Variants in PBX4 observed in about 807,000 individuals in gnomAD.
The protein encoded by PBX4 is PBX homeobox 4.
Under a neutral mutation model 35.1 loss-of-function variants are expected in PBX4, and 26 were observed. That is an observed-to-expected ratio of 0.74 (90% CI 0.54 to 1.03). The LOEUF is 1.03. Among genes scored for constraint, PBX4 ranks in the 50% least tolerant of loss-of-function variants. The probability of loss-of-function intolerance (pLI) is 0.00; values close to 1 mark genes in which losing one functional copy is unlikely to be tolerated. For synonymous variants in PBX4, 199 were observed against 204.2 expected, an observed-to-expected ratio of 0.97 and a Z score of 0.22; for missense variants, 448 against 504.3, an observed-to-expected ratio of 0.89 and a Z score of 1.07.
At chr19:19,564,896 G>A in intron 6 of PBX4, 37 bp downstream of exon 6, 2 of 1,613,696 alleles carry the variant, frequency 1.2e-6, no homozygotes, top group Non-Finnish European at 1.7e-6. Context: ...CCGTCCACAT[G>A]GGTACAGATG....
intron 2 of PBX4, among the ~76,000 whole-genome samples, chr19:19,573,774 GGCTGGAGT>G (rs894950157): frequency 2.8e-4 from 43 of 151,946 alleles, no homozygotes; most frequent in African/African-American, 1.0e-3. Context: ...CTGTGTCCCA[GGCTGGAGT>G]GCAATAGCAC....
chr19:19,588,747 GACCA>G (rs988708219), intron 2 of PBX4, among the ~76,000 whole-genome samples: 29 of 152,052 alleles, frequency 1.9e-4, no homozygotes, highest in African/African-American at 6.5e-4. Context: ...CACTAACCAT[GACCA>G]ACCAATTCCC....
chr19:19,563,395 G>T lies in PBX4; in HGVS notation c.1032+114C>A. 1 of 794,922 alleles carries T rather than the reference G, an allele frequency of 1.3e-6. No homozygotes were observed. The highest frequency in any genetic ancestry group is 2.0e-6 in the Non-Finnish European group (1 of 504,376). 49.2% of individuals were successfully genotyped at this position (794,922 alleles called of 1,614,324 possible). On this transcript the variant is annotated intron_variant, in intron 7 of 7. Coordinates refer to ENST00000251203, the MANE Select transcript of PBX4 (RefSeq NM_025245.3). The surrounding 1 kb of genome is among the most constrained non-coding windows in gnomAD (Gnocchi z 5.1). ...GGTGGCCGCGCAGCATGGCCTGTGT[G>T]GCTGCTGGGACCTCTGGGGAAGCTG...
chr19:19,574,364 A>G (rs2061406264), intron 2 of PBX4, among the ~76,000 whole-genome samples: 1 of 152,122 alleles, frequency 6.6e-6, no homozygotes, highest in African/African-American at 2.4e-5. Flanking sequence ...TACTTATTTA[A>G]GCAGACACTA....
At chr19:19,597,215 A>AAAAAAT (rs1184027489) in intron 2 of PBX4, among the ~76,000 whole-genome samples, 1 of 152,232 alleles carries the variant, frequency 6.6e-6, no homozygotes, top group Admixed American at 6.6e-5. Flanking sequence ...CTCCATCTCC[A>AAAAAAT]AAAAATAAAA....
At chr19:19,571,632 T>C (rs1244602878) in intron 2 of PBX4, among the ~76,000 whole-genome samples, 1 of 152,056 alleles carries the variant, frequency 6.6e-6, no homozygotes, top group Non-Finnish European at 1.5e-5. Context: ...AAGGGAAGAC[T>C]CCAGGGTCAT....
chr19:19,617,549 G>A (rs2061694770), intron 1 of PBX4, among the ~76,000 whole-genome samples: 1 of 152,070 alleles, frequency 6.6e-6, no homozygotes, highest in Admixed American at 6.6e-5. Flanking sequence ...CTCCTAAAGT[G>A]CTGTGATTAG....
At chr19:19,611,504 C>A (rs2144792673) in intron 1 of PBX4, among the ~76,000 whole-genome samples, 1 of 151,852 alleles carries the variant, frequency 6.6e-6, no homozygotes, top group East Asian at 1.9e-4. Flanking sequence ...GATGGTGAAA[C>A]CCCGTCTCTA....
At chr19:19,600,936 C>T (rs2061593894) in intron 1 of PBX4, among the ~76,000 whole-genome samples, 1 of 152,154 alleles carries the variant, frequency 6.6e-6, no homozygotes, top group African/African-American at 2.4e-5. Context: ...TAAGCAGAAG[C>T]ACCAATCATC....
intron 1 of PBX4, among the ~76,000 whole-genome samples, chr19:19,603,429 C>T (rs974358051): frequency 6.6e-6 from 1 of 152,058 alleles, no homozygotes; most frequent in Admixed American, 6.6e-5. Flanking sequence ...CTCCTGCGGC[C>T]TCCAGAGTAG....
In PBX4 at chr19:19,607,968, C is replaced by T. The variant is rs551267805; in HGVS notation, c.120-8603G>A. 4.7e-4 allele frequency among the ~76,000 whole-genome samples: 71 copies of T among 152,286 alleles called. 1 individual carries two copies. In the South Asian group the frequency reaches 0.015, roughly 32 times the overall value. On this transcript the variant is annotated intron_variant, in intron 1 of 7. Transcript: ENST00000251203. ...CTCAGTTCTAGAAGGATTATTTTAG[C>T]TGACAAAAGCAGTCAGCAATATTAT... is the stretch of plus-strand genomic sequence containing the variant.
chr19:19,578,344 C>T (rs1415781170), intron 2 of PBX4, among the ~76,000 whole-genome samples: 1 of 152,170 alleles, frequency 6.6e-6, no homozygotes, highest in Non-Finnish European at 1.5e-5. Flanking sequence ...TGGGTGGTGC[C>T]TACAACAGCT....
chr19:19,609,000 A>C (rs1442315354), intron 1 of PBX4, among the ~76,000 whole-genome samples: 1 of 152,186 alleles, frequency 6.6e-6, no homozygotes, highest in Non-Finnish European at 1.5e-5. Flanking sequence ...TATTGAGTAG[A>C]TGACATTTAA....
chr19:19,615,193 AAAG>A (rs1334022613), intron 1 of PBX4, among the ~76,000 whole-genome samples: 1 of 133,444 alleles, frequency 7.5e-6, no homozygotes. Context: ...AAAAAAAAAG[AAAG>A]ATTAGCCAGG....
At chr19:19,573,292 C>T (rs2061397317) in intron 2 of PBX4, among the ~76,000 whole-genome samples, 1 of 140,022 alleles carries the variant, frequency 7.1e-6, no homozygotes, top group African/African-American at 2.7e-5. Flanking sequence ...GCAACAAGAG[C>T]GAAACTCCAT....
At chr19:19,618,387 C>T (rs1338996539) in intron 1 of PBX4, 124 bp downstream of exon 1, 10 of 905,450 alleles carry the variant, frequency 1.1e-5, no homozygotes, top group Admixed American at 4.5e-5. Context: ...CCTTCGTCCT[C>T]GGGACCCCCC....
Position 19,580,466 on chromosome 19 carries a change from C to T in PBX4, c.194-9633G>A, listed in dbSNP as rs756589768. 2.4e-4 allele frequency among the ~76,000 whole-genome samples: 36 copies of T among 152,282 alleles called. 1 individual carries two copies. The Middle Eastern group carries it at 0.024, about 101-fold the overall frequency. On this transcript the variant is annotated intron_variant, in intron 2 of 7. Coordinates refer to ENST00000251203, the MANE Select transcript of PBX4 (RefSeq NM_025245.3). Reference sequence around the variant, plus strand: ...ACGGGGCCACTGGCCACAGTTCTGCCGGTGGGACCCAGCGTGGTAACTGGG... The same window carrying T: ...ACGGGGCCACTGGCCACAGTTCTGCTGGTGGGACCCAGCGTGGTAACTGGG...
chr19:19,565,205 A>C, intron 5 of PBX4, 116 bp from the exon 6 acceptor site: 4 of 1,242,328 alleles, frequency 3.2e-6, no homozygotes, highest in Non-Finnish European at 4.6e-6. Flanking sequence ...ACAACACTGC[A>C]CCCTGGGGCT....
intron 2 of PBX4, among the ~76,000 whole-genome samples, chr19:19,581,553 G>A (rs1362265144): frequency 2.6e-5 from 4 of 152,234 alleles, no homozygotes; most frequent in South Asian, 4.1e-4. Context: ...GGCATTCCAC[G>A]TTCCTGTGTC....
Sources: gnomAD v4.1 joint callset for allele counts (sites outside exome capture counted in the v4.1 genomes callset) on GRCh38, gnomAD v4.1.1 for gene constraint, Gnocchi (gnomAD v3.1) non-coding constraint, MANE v1.5 for transcripts, NCBI Gene and HGNC (gene_info 2026-07-23, HGNC 2026-07-21) for gene names.